Variants in DCLK1 observed in about 807,000 individuals in gnomAD.
DCLK1 encodes the protein doublecortin like kinase 1.
In DCLK1, 16 loss-of-function variants were observed where a neutral mutation model predicts 86.2. The ratio of observed to expected loss-of-function variants is 0.19; its 90% CI spans 0.13 to 0.28. The LOEUF (loss-of-function observed/expected upper bound fraction) is 0.28, where lower values mean the gene tolerates loss of function less well. Among genes scored for constraint, DCLK1 ranks in the 10% least tolerant of loss-of-function variants. The pLI, the probability that DCLK1 is intolerant of heterozygous loss-of-function variation, is 1.00. For missense variants in DCLK1, 590 were observed against 940.2 expected, an observed-to-expected ratio of 0.63 and a Z score of 4.87; for synonymous variants, 369 against 370.5, an observed-to-expected ratio of 1.00 and a Z score of 0.05.
intron 3 of DCLK1, among the ~76,000 whole-genome samples, chr13:35,954,699 A>G (rs145334588): frequency 1.6e-3 from 247 of 152,284 alleles, no homozygotes; most frequent in African/African-American, 5.8e-3. Flanking sequence ...AATTCTTTAA[A>G]GAATCTCTGG....
chr13:35,952,909 C>G (rs150387683), intron 3 of DCLK1, among the ~76,000 whole-genome samples: 1 of 152,238 alleles, frequency 6.6e-6, no homozygotes, highest in African/African-American at 2.4e-5. Flanking sequence ...AGTCCTTGAA[C>G]GAGGGTCAGG....
chr13:35,926,850 G>C (rs1446397200), intron 4 of DCLK1, among the ~76,000 whole-genome samples: 2 of 152,180 alleles, frequency 1.3e-5, no homozygotes, highest in Non-Finnish European at 2.9e-5. Flanking sequence ...GGTGAGAAGG[G>C]CAGGAGTTGG....
intron 3 of DCLK1, among the ~76,000 whole-genome samples, chr13:36,030,828 C>T (rs1882240383): frequency 6.6e-6 from 1 of 152,104 alleles, no homozygotes; most frequent in South Asian, 2.1e-4. Context: ...GGGAATCTCC[C>T]CAACTGATCA....
intron 4 of DCLK1, among the ~76,000 whole-genome samples, chr13:35,877,169 C>A (rs1298609008): frequency 6.6e-6 from 1 of 152,154 alleles, no homozygotes; most frequent in Non-Finnish European, 1.5e-5. Flanking sequence ...TGTTTCTCAC[C>A]TTCACCCAGG....
At chr13:36,002,396 A>G (rs1416095054) in intron 3 of DCLK1, among the ~76,000 whole-genome samples, 4 of 152,242 alleles carry the variant, frequency 2.6e-5, no homozygotes, top group Non-Finnish European at 4.4e-5. Context: ...AATGAGCTTG[A>G]AATGTACTCT....
intron 3 of DCLK1, among the ~76,000 whole-genome samples, chr13:36,098,971 AT>A (rs34423920): frequency 0.22 from 31,112 of 144,440 alleles, 3,224 homozygotes; most frequent in East Asian, 0.45. Flanking sequence ...TATTATTTGG[AT>A]TTTTTTTTTT....
In DCLK1 at chr13:35,809,112, T is replaced by A. The variant is rs368216952; in HGVS notation, c.1689-17A>T. 1.2e-6 allele frequency: 2 copies of A among 1,607,082 alleles called. No homozygotes were observed. The highest frequency in any genetic ancestry group is 1.7e-6 in the Non-Finnish European group (2 of 1,174,990). On this transcript the variant is annotated splice_polypyrimidine_tract_variant and intron_variant, in intron 12 of 16. Coordinates refer to ENST00000360631, the MANE Select transcript of DCLK1 (RefSeq NM_001330071.2). ...AGGCCGTATCTGGAAAAATAAGGGATGTTAGAGTTAGGAGGGTCAGGCTCG... is the reference window on the plus strand; with the variant it reads ...AGGCCGTATCTGGAAAAATAAGGGAAGTTAGAGTTAGGAGGGTCAGGCTCG...
chr13:35,848,069 A>G, intron 6 of DCLK1: 1 of 985,330 alleles, frequency 1.0e-6, no homozygotes, highest in South Asian at 4.7e-5. Flanking sequence ...CTAAGAAAAA[A>G]GTGAGTGCAA....
At chr13:35,851,925 T>A (rs1431495255) in intron 6 of DCLK1, among the ~76,000 whole-genome samples, 5 of 152,150 alleles carry the variant, frequency 3.3e-5, no homozygotes, top group African/African-American at 1.2e-4. Flanking sequence ...TCAACCTTCC[T>A]TTTGAGAAAA....
chr13:35,880,705 G>A (rs928894760), intron 4 of DCLK1, among the ~76,000 whole-genome samples: 1 of 152,140 alleles, frequency 6.6e-6, no homozygotes, highest in African/African-American at 2.4e-5. Context: ...GCATTAAAAC[G>A]TGTCCCAGAA....
chr13:36,037,538 C>T (rs1882548921), intron 3 of DCLK1, among the ~76,000 whole-genome samples: 1 of 152,048 alleles, frequency 6.6e-6, no homozygotes, highest in Non-Finnish European at 1.5e-5. Context: ...GGCTGGAGTG[C>T]AGTGGTGCGA....
chr13:35,912,087 T>G (rs938520726), intron 4 of DCLK1, among the ~76,000 whole-genome samples: 48 of 152,252 alleles, frequency 3.2e-4, no homozygotes, highest in African/African-American at 1.1e-3. Context: ...ACAGTAAAGC[T>G]CAATCAATCA....
chr13:35,854,377 G>T, intron 6 of DCLK1, 122 bp downstream of exon 6: 3 of 635,800 alleles, frequency 4.7e-6, no homozygotes, highest in Non-Finnish European at 7.1e-6. Flanking sequence ...ACCCCTCATT[G>T]GTCACCTCCT....
At chr13:35,780,402 A>G (rs538649843) in intron 16 of DCLK1, among the ~76,000 whole-genome samples, 1 of 152,236 alleles carries the variant, frequency 6.6e-6, no homozygotes, top group Non-Finnish European at 1.5e-5. Context: ...CTTCACTAAG[A>G]GATCCTAAGA....
intron 3 of DCLK1, among the ~76,000 whole-genome samples, chr13:36,066,163 G>A (rs1242306691): frequency 6.6e-6 from 1 of 152,094 alleles, no homozygotes; most frequent in Non-Finnish European, 1.5e-5. Flanking sequence ...GAAGTCTGTT[G>A]AGCACATAAC....
intron 14 of DCLK1, among the ~76,000 whole-genome samples, chr13:35,807,434 C>G (rs1015338069): frequency 6.6e-6 from 1 of 152,200 alleles, no homozygotes; most frequent in East Asian, 1.9e-4. Flanking sequence ...CAACTTAAAT[C>G]ATAGCTTCCC....
intron 4 of DCLK1, among the ~76,000 whole-genome samples, chr13:35,872,720 T>C: frequency 6.8e-6 from 1 of 146,588 alleles, no homozygotes; most frequent in African/African-American, 2.8e-5. Context: ...TATTTGTTCT[T>C]TCCCCTTCAA....
At chr13:36,074,543 G>A (rs1171671457) in intron 3 of DCLK1, among the ~76,000 whole-genome samples, 2 of 138,932 alleles carry the variant, frequency 1.4e-5, no homozygotes, top group Non-Finnish European at 3.1e-5. Flanking sequence ...AGTTTATTTG[G>A]GATCTTATTA....
chr13:35,808,912 G>T, intron 13 of DCLK1, 106 bp downstream of exon 13: 1 of 851,942 alleles, frequency 1.2e-6, no homozygotes, highest in Non-Finnish European at 1.7e-6. Flanking sequence ...TAAAGTTCTT[G>T]TGCTCTTTTC....
Sources: gnomAD v4.1 joint callset for allele counts (sites outside exome capture counted in the v4.1 genomes callset) on GRCh38, gnomAD v4.1.1 for gene constraint, MANE v1.5 for transcripts, NCBI Gene and HGNC (gene_info 2026-07-23, HGNC 2026-07-21) for gene names.